PCDHGA2: variants seen among roughly 807,000 people sequenced by gnomAD.
The protein encoded by PCDHGA2 is protocadherin gamma subfamily A, 2, also known as protocadherin gamma-A2.
Under a neutral mutation model 59.2 loss-of-function variants are expected in PCDHGA2, and 40 were observed. The ratio of observed to expected loss-of-function variants is 0.68; its 90% CI spans 0.52 to 0.88. The LOEUF (loss-of-function observed/expected upper bound fraction) is 0.88, where lower values mean the gene tolerates loss of function less well. Ranked by LOEUF, PCDHGA2 falls within the 40% of genes least tolerant of loss-of-function variation. The pLI is 0.00. For missense variants in PCDHGA2, 1,226 were observed against 1,204.0 expected, an observed-to-expected ratio of 1.02 and a Z score of -0.27; for synonymous variants, 560 against 526.0, an observed-to-expected ratio of 1.06 and a Z score of -0.89.
intron 1 of PCDHGA2, chr5:141,412,671 A>T (rs1335241581): frequency 6.6e-6 from 1 of 152,290 alleles, no homozygotes; most frequent in Non-Finnish European, 1.5e-5. Flanking sequence ...AATATGACCT[A>T]AAATAAGTAT....
chr5:141,462,007 G>C (rs2099028604), intron 1 of PCDHGA2, among the ~76,000 whole-genome samples: 1 of 152,188 alleles, frequency 6.6e-6, no homozygotes, highest in South Asian at 2.1e-4. Context: ...ATTTTTAATA[G>C]AGACGGGGTT....
At chr5:141,360,345 G>A (rs763623881) in intron 1 of PCDHGA2, 2 of 1,613,886 alleles carry the variant, frequency 1.2e-6, no homozygotes, top group Admixed American at 1.7e-5. Context: ...GGGTTAGCGC[G>A]GAGAAGGAAT....
intron 1 of PCDHGA2, among the ~76,000 whole-genome samples, chr5:141,359,265 G>A (rs2149806692): frequency 6.6e-6 from 1 of 152,134 alleles, no homozygotes; most frequent in African/African-American, 2.4e-5. Flanking sequence ...AATATAATTT[G>A]GAAATGCTCA....
At chr5:141,358,948 G>A (rs183481542) in intron 1 of PCDHGA2, among the ~76,000 whole-genome samples, 2 of 152,276 alleles carry the variant, frequency 1.3e-5, no homozygotes, top group East Asian at 3.9e-4. Context: ...TGTTCTTTGT[G>A]CTTTCATTTA....
chr5:141,503,077 TCTC>T (rs1212079220), intron 2 of PCDHGA2, among the ~76,000 whole-genome samples: 1 of 151,810 alleles, frequency 6.6e-6, no homozygotes, highest in African/African-American at 2.4e-5. Flanking sequence ...ATGGTCTCGA[TCTC>T]CTGACCTCGT....
intron 1 of PCDHGA2, chr5:141,478,776 A>T: frequency 1.3e-6 from 2 of 1,488,808 alleles, no homozygotes; most frequent in Non-Finnish European, 1.8e-6. Context: ...TCATCTGTGG[A>T]CCTAATTCAC....
rs766151180 is a variant in PCDHGA2 at position 141,432,210 on chromosome 5, A to G, written c.2425-62597A>G. On this transcript the variant is annotated intron_variant, in intron 1 of 3. Transcript: ENST00000394576. This position sits in a 1 kb window ranked among gnomAD's most constrained non-coding sequence, Gnocchi z 6.0. Reference sequence around the variant, plus strand: ...GCCCACGACCCCGACTGTGAAGAGAACGCCCAGATCACTTATTCCCTGGCT... The same window carrying G: ...GCCCACGACCCCGACTGTGAAGAGAGCGCCCAGATCACTTATTCCCTGGCT... 1 of 1,614,138 alleles carries G rather than the reference A, an allele frequency of 6.2e-7. No individual in the cohort carries two copies. Among genetic ancestry groups the G allele is most frequent in the Non-Finnish European group, 8.5e-7 (1 of 1,180,018 alleles).
Position 141,361,433 on chromosome 5 carries a change from C to T in PCDHGA2, c.2424+20038C>T, listed in dbSNP as rs370691572. ...ACCGACGGGGGCAAGCCGCCCCTCT[C>T]CTCCAGCATAATTGTCACCCTGCAC... On this transcript the variant is annotated intron_variant, in intron 1 of 3. Transcript: ENST00000394576. The T allele has an allele frequency of 8.7e-6, 14 of 1,613,952 alleles. 1 individual carries two copies. Among genetic ancestry groups the T allele is most frequent in the African/African-American group, 1.3e-5 (1 of 74,958 alleles).
intron 1 of PCDHGA2, chr5:141,365,422 T>G: frequency 6.2e-7 from 1 of 1,614,032 alleles, no homozygotes; most frequent in Non-Finnish European, 8.5e-7. Context: ...TTCCCGGAAC[T>G]GTAATCGCGC....
chr5:141,478,941 A>G (rs889484528), intron 1 of PCDHGA2: 2 of 589,470 alleles, frequency 3.4e-6, no homozygotes, highest in Non-Finnish European at 5.6e-6. Context: ...TTCTAGGAAT[A>G]CAAAAACTAC....
Position 141,477,256 on chromosome 5 carries a change from T to G in PCDHGA2, c.2425-17551T>G. 2 of 1,614,210 alleles carry G rather than the reference T, an allele frequency of 1.2e-6. No homozygotes were observed. The highest frequency in any genetic ancestry group is 1.7e-6 in the Non-Finnish European group (2 of 1,180,038). On this transcript the variant is annotated intron_variant, in intron 1 of 3. Coordinates refer to ENST00000394576, the MANE Select transcript of PCDHGA2 (RefSeq NM_018915.4). This position sits in a 1 kb window ranked among gnomAD's most constrained non-coding sequence, Gnocchi z 4.9. Reference sequence around the variant, plus strand: ...CTTTGCTCAGTGTGACTGACCTGGATGCTGGCGAGAACGGGCTGGTGACCT... The same window carrying G: ...CTTTGCTCAGTGTGACTGACCTGGAGGCTGGCGAGAACGGGCTGGTGACCT...
intron 1 of PCDHGA2, chr5:141,398,312 C>A: frequency 1.5e-6 from 2 of 1,355,208 alleles, no homozygotes; most frequent in East Asian, 2.5e-5. Flanking sequence ...CAGGAGTTAC[C>A]GACTCGAAAA....
intron 1 of PCDHGA2, among the ~76,000 whole-genome samples, chr5:141,472,030 G>A (rs2099269943): frequency 6.6e-6 from 1 of 152,030 alleles, no homozygotes; most frequent in African/African-American, 2.4e-5. Flanking sequence ...TATGTAGAAA[G>A]CTGTGAAAAG....
In PCDHGA2 at chr5:141,419,061, A is replaced by G. The variant is rs747692559; in HGVS notation, c.2425-75746A>G. 5.0e-6 allele frequency: 8 copies of G among 1,613,964 alleles called. No homozygotes were observed. In the Admixed American group the frequency reaches 1.3e-4, roughly 27 times the overall value. ...AAGATTCATTCTTCTTCTAATAATT[A>G]CTACAAGCTAGTAACAGATGAGGCC... On this transcript the variant is annotated intron_variant, in intron 1 of 3. Transcript: ENST00000394576.
intron 1 of PCDHGA2, chr5:141,408,803 G>T: frequency 6.2e-7 from 1 of 1,613,150 alleles, no homozygotes; most frequent in South Asian, 1.1e-5. Flanking sequence ...GAAACTCCTA[G>T]ACCGGGAAGA....
chr5:141,492,164 C>T (rs1180358388), intron 1 of PCDHGA2, among the ~76,000 whole-genome samples: 2 of 152,230 alleles, frequency 1.3e-5, no homozygotes, highest in East Asian at 1.9e-4. Context: ...CTCCCTATCC[C>T]CGCATCACCC....
Position 141,350,591 on chromosome 5 carries a change from A to G in PCDHGA2, c.2424+9196A>G, listed in dbSNP as rs202231783. 199 of 1,614,038 alleles carry G rather than the reference A, an allele frequency of 1.2e-4. No individual in the cohort carries two copies. In the East Asian group the frequency reaches 4.1e-3, roughly 33 times the overall value. The stretch of plus-strand genomic sequence containing the variant: ...ATTCGAAACGGTCGCTGAAAACCCA[A>G]TGAATGTTTTCCACGTGGTTGTTGT... On this transcript the variant is annotated intron_variant, in intron 1 of 3. Transcript: ENST00000394576.
At chr5:141,366,297 C>G in intron 1 of PCDHGA2, 1 of 1,613,766 alleles carries the variant, frequency 6.2e-7, no homozygotes. Flanking sequence ...CCTCTGTCAG[C>G]CACCTTCACG....
intron 1 of PCDHGA2, chr5:141,383,160 G>T (rs770719921): frequency 1.9e-6 from 3 of 1,613,316 alleles, no homozygotes; most frequent in Admixed American, 1.7e-5. Context: ...TGGTCACTGC[G>T]GGCAGGATAG....
Sources: gnomAD v4.1 joint callset for allele counts (sites outside exome capture counted in the v4.1 genomes callset) on GRCh38, gnomAD v4.1.1 for gene constraint, Gnocchi (gnomAD v3.1) non-coding constraint, MANE v1.5 for transcripts, NCBI Gene and HGNC (gene_info 2026-07-23, HGNC 2026-07-21) for gene names.